AUTS2: variants seen among roughly 807,000 people sequenced by gnomAD.
AUTS2 encodes the protein autism susceptibility gene 2 protein.
AUTS2 carries 17 observed loss-of-function variants against 112.4 expected under a neutral mutation model. The observed-to-expected ratio is 0.15, with a 90% CI of 0.10 to 0.23. The LOEUF is 0.23. AUTS2 is among the 10% of genes least tolerant of loss of function. AUTS2 has a pLI of 1.00. For synonymous variants in AUTS2, 751 were observed against 702.7 expected, an observed-to-expected ratio of 1.07 and a Z score of -1.09; for missense variants, 1,510 against 1,701.6, an observed-to-expected ratio of 0.89 and a Z score of 1.98.
chr7:69,876,210 C>CA (rs1793730016), intron 1 of AUTS2, among the ~76,000 whole-genome samples: 1 of 144,390 alleles, frequency 6.9e-6, no homozygotes, highest in Admixed American at 7.2e-5. Context: ...ACTAAAAATA[C>CA]AAAAAAATTA....
intron 3 of AUTS2, among the ~76,000 whole-genome samples, chr7:70,124,852 CGCCCA>C (rs1562718046): frequency 6.6e-6 from 1 of 152,178 alleles, no homozygotes; most frequent in Non-Finnish European, 1.5e-5. Flanking sequence ...TGAGCCACCG[CGCCCA>C]GCCCAGCTTC....
chr7:70,203,229 G>A lies in AUTS2; in HGVS notation c.660+68658G>A, dbSNP rs1202579132. On this transcript the variant is annotated intron_variant, in intron 4 of 18. Transcript: ENST00000342771. ...GGAGGGGGGAGGGATAGCATTGGGA[G>A]ATATACCTAATGCTAGATGACACAT... is the stretch of plus-strand genomic sequence containing the variant. Among the ~76,000 whole-genome samples the A allele has an allele frequency of 7.6e-3, 896 of 117,844 alleles. 9 individuals carry two copies. The highest frequency in any genetic ancestry group is 0.013 in the Non-Finnish European group (754 of 57,724). The allele number at this position is 117,844 out of a possible 152,430, so 77.3% of individuals were successfully genotyped here.
At chr7:70,733,843 T>C (rs1238613809) in intron 6 of AUTS2, among the ~76,000 whole-genome samples, 2 of 152,002 alleles carry the variant, frequency 1.3e-5, no homozygotes, top group Non-Finnish European at 2.9e-5. Context: ...TGCTTCGGCC[T>C]CCAAAAGTGC....
At chr7:70,764,709 C>G (rs917640717) in intron 7 of AUTS2, 43 bp from the exon 8 acceptor site, 1 of 716,400 alleles carries the variant, frequency 1.4e-6, no homozygotes, top group East Asian at 2.7e-5. Context: ...CATTGCTTAC[C>G]TTTTTTTATT....
At chr7:70,030,456 G>T (rs1420872254) in intron 2 of AUTS2, among the ~76,000 whole-genome samples, 1 of 152,070 alleles carries the variant, frequency 6.6e-6, no homozygotes, top group Non-Finnish European at 1.5e-5. Flanking sequence ...CCAGTTTTCC[G>T]CTGTGAAGCA....
chr7:70,428,385 T>C (rs1480009648), intron 4 of AUTS2, among the ~76,000 whole-genome samples: 3 of 152,200 alleles, frequency 2.0e-5, no homozygotes, highest in Non-Finnish European at 4.4e-5. Flanking sequence ...GTGTTTTTAG[T>C]CACCATGCTG....
intron 2 of AUTS2, among the ~76,000 whole-genome samples, chr7:70,107,584 C>T (rs559208849): frequency 2.7e-5 from 4 of 149,724 alleles, no homozygotes; most frequent in East Asian, 2.0e-4. Flanking sequence ...CCTCGTGATC[C>T]GCCCATCTCG....
At chr7:69,865,615 C>T (rs1216627380) in intron 1 of AUTS2, among the ~76,000 whole-genome samples, 3 of 152,140 alleles carry the variant, frequency 2.0e-5, no homozygotes, top group Non-Finnish European at 4.4e-5. Flanking sequence ...TTTCTTTCTG[C>T]GACATCACAT....
At chr7:69,880,991 A>AGC in intron 1 of AUTS2, among the ~76,000 whole-genome samples, 1 of 152,310 alleles carries the variant, frequency 6.6e-6, no homozygotes, top group African/African-American at 2.4e-5. Context: ...GATTATAAAG[A>AGC]CGTATGAGTA....
At chr7:70,519,330 A>T (rs150453572) in intron 5 of AUTS2, among the ~76,000 whole-genome samples, 2 of 152,338 alleles carry the variant, frequency 1.3e-5, no homozygotes, top group Non-Finnish European at 2.9e-5. Context: ...TTTGAGCCAA[A>T]GTTCTGCCCT....
chr7:69,618,914 T>G (rs1400517602), intron 1 of AUTS2, among the ~76,000 whole-genome samples: 3 of 152,078 alleles, frequency 2.0e-5, no homozygotes, highest in Non-Finnish European at 4.4e-5. Context: ...CCTGGGGAGC[T>G]TTAAAAAAGT....
chr7:69,940,494 G>A (rs1224754757), intron 2 of AUTS2, among the ~76,000 whole-genome samples: 2 of 152,160 alleles, frequency 1.3e-5, no homozygotes, highest in Admixed American at 6.6e-5. Flanking sequence ...CCCATTAGGG[G>A]TAGAGAAAGT....
intron 5 of AUTS2, among the ~76,000 whole-genome samples, chr7:70,551,714 TTAG>T (rs1801022128): frequency 6.6e-6 from 1 of 152,180 alleles, no homozygotes; most frequent in South Asian, 2.1e-4. Flanking sequence ...TGGACTGAAG[TTAG>T]TAGTGCTATG....
chr7:70,340,195 C>CACA (rs1562892230), intron 4 of AUTS2, among the ~76,000 whole-genome samples: 1 of 150,482 alleles, frequency 6.6e-6, no homozygotes, highest in Non-Finnish European at 1.5e-5. Flanking sequence ...CACACACACA[C>CACA]CCCGTAATAA....
rs768478864 is a variant in AUTS2 at position 70,790,931 on chromosome 7, C to A, written c.3715C>A (p.Pro1239Thr). The A allele has an allele frequency of 8.4e-6, 13 of 1,552,250 alleles. No individual in the cohort carries two copies. Among genetic ancestry groups the A allele is most frequent in the African/African-American group, 2.7e-5 (2 of 73,058 alleles). The change falls in exon 19 of 19, where the codon CCT becomes ACT. Residue 1239 changes from proline to threonine, a missense_variant. Pro to Thr is a conservative substitution (Grantham distance 38). This residue lies in a region of AUTS2 where 788 missense variants were observed against 797.6 expected (regional missense o/e 0.99). Coordinates refer to ENST00000342771, the MANE Select transcript of AUTS2 (RefSeq NM_015570.4). The surrounding 1 kb of genome is among the most constrained non-coding windows in gnomAD (Gnocchi z 7.6). Reference protein sequence around the residue: ...GRPVSPRRTTPLSAEIRERPP... With the variant: ...GRPVSPRRTTTLSAEIRERPP... ...CCCGGTCTCTCCCAGAAGGACGACT[C>A]CTCTGTCCGCAGAGATAAGGGAGAG...
intron 1 of AUTS2, among the ~76,000 whole-genome samples, chr7:69,791,609 G>T (rs940227255): frequency 1.3e-5 from 2 of 152,110 alleles, no homozygotes; most frequent in Non-Finnish European, 2.9e-5. Flanking sequence ...TGAAGGAGCT[G>T]GTTTGCTTCA....
chr7:69,935,908 C>T (rs1796390045), intron 2 of AUTS2, among the ~76,000 whole-genome samples: 1 of 152,120 alleles, frequency 6.6e-6, no homozygotes, highest in Non-Finnish European at 1.5e-5. Context: ...ATGGGACCAA[C>T]ATTATAGACC....
chr7:70,385,192 A>G (rs1285270484), intron 4 of AUTS2, among the ~76,000 whole-genome samples: 1 of 152,226 alleles, frequency 6.6e-6, no homozygotes, highest in Non-Finnish European at 1.5e-5. Flanking sequence ...CTTATCCACT[A>G]AACTGTTCTC....
At chr7:69,914,330 C>G (rs142005628) in intron 2 of AUTS2, among the ~76,000 whole-genome samples, 27 of 143,378 alleles carry the variant, frequency 1.9e-4, no homozygotes, top group African/African-American at 6.8e-4. Context: ...AAAAAGCACA[C>G]ACACAGACAC....
Sources: gnomAD v4.1 joint callset for allele counts (sites outside exome capture counted in the v4.1 genomes callset) on GRCh38, gnomAD v4.1.1 for gene constraint, gnomAD v4.1.1 regional missense constraint, Gnocchi (gnomAD v3.1) non-coding constraint, MANE v1.5 for transcripts, NCBI Gene and HGNC (gene_info 2026-07-23, HGNC 2026-07-21) for gene names.